Variants in CWF19L2 observed in about 807,000 individuals in gnomAD.
CWF19L2 encodes the protein CWF19 like cell cycle control factor 2.
CWF19L2 carries 98 observed loss-of-function variants against 111.7 expected under a neutral mutation model. The observed-to-expected ratio is 0.88, with a 90% confidence interval of 0.75 to 1.04. The LOEUF (loss-of-function observed/expected upper bound fraction) is 1.04. Among genes scored for constraint, CWF19L2 ranks in the 50% least tolerant of loss-of-function variants. CWF19L2 has a pLI of 0.00. For missense variants in CWF19L2, 1,101 were observed against 1,051.4 expected (o/e 1.05, Z -0.65); for synonymous variants, 351 against 342.9 (o/e 1.02, Z -0.26).
At position 107,429,123 on chromosome 11, in the gene CWF19L2, C is replaced by G. The variant is rs779343107; in HGVS notation, c.1109G>C (p.Arg370Thr). 1.2e-6 allele frequency: 2 copies of G among 1,613,672 alleles called. No individual in the cohort carries two copies. The highest frequency in any genetic ancestry group is 2.2e-5 in the South Asian group (2 of 91,078). The change falls in exon 8 of 18, where the codon AGA becomes ACA. Residue 370 changes from arginine (R) to threonine (T), a missense_variant. Transcript: ENST00000282251. ...TGACAGTTCTTCATCATCAGAGGGT[C>G]TCAAGAATTTAGCTCTCAAATTGCC... is the stretch of plus-strand genomic sequence containing the variant. ...SFGNLRAKFL[R>T]PSDDEELSFH...
intron 6 of CWF19L2, among the ~76,000 whole-genome samples, chr11:107,437,151 A>C (rs1031580095): frequency 6.9e-6 from 1 of 145,248 alleles, no homozygotes. Context: ...CAAGTATCTG[A>C]CATTACCATC....
intron 15 of CWF19L2, among the ~76,000 whole-genome samples, chr11:107,335,518 T>C (rs117782388): frequency 0.012 from 1,894 of 152,304 alleles, 24 homozygotes; most frequent in South Asian, 0.039. Context: ...TTTGATTGCA[T>C]GCAACTCAAT....
intron 10 of CWF19L2, among the ~76,000 whole-genome samples, chr11:107,393,462 A>G (rs929879674): frequency 8.5e-5 from 13 of 152,206 alleles, no homozygotes; most frequent in African/African-American, 2.2e-4. Flanking sequence ...AGTACAGAAT[A>G]AGAGTAAACT....
chr11:107,386,915 A>G (rs1860774631), intron 12 of CWF19L2, among the ~76,000 whole-genome samples: 1 of 151,944 alleles, frequency 6.6e-6, no homozygotes, highest in Non-Finnish European at 1.5e-5. Context: ...TTAGCTGGGC[A>G]TGGTGGTGCG....
chr11:107,364,405 T>C (rs1253713625), intron 12 of CWF19L2, among the ~76,000 whole-genome samples: 3 of 148,442 alleles, frequency 2.0e-5, no homozygotes, highest in African/African-American at 5.1e-5. Flanking sequence ...TATTCCAAAA[T>C]TGACCACATA....
At chr11:107,407,253 T>C (rs1861092195) in intron 10 of CWF19L2, among the ~76,000 whole-genome samples, 2 of 152,288 alleles carry the variant, frequency 1.3e-5, no homozygotes, top group Middle Eastern at 6.8e-3. Flanking sequence ...CAATCTGTTA[T>C]GCAGTCTACA....
intron 10 of CWF19L2, chr11:107,403,746 C>T (rs775092016): frequency 2.3e-5 from 20 of 884,452 alleles, no homozygotes; most frequent in Middle Eastern, 2.2e-4. Flanking sequence ...TGCTTTTTGC[C>T]GGTCTGTTCC....
intron 17 of CWF19L2, among the ~76,000 whole-genome samples, chr11:107,327,929 G>GC (rs1859786421): frequency 6.6e-6 from 1 of 152,144 alleles, no homozygotes; most frequent in Non-Finnish European, 1.5e-5. Context: ...TCTTTCAGAT[G>GC]CAGGTTCTTC....
Position 107,390,163 on chromosome 11 carries a change from C to T in CWF19L2, c.1783G>A (p.Asp595Asn), listed in dbSNP as rs1860827031. The change falls in exon 12 of 18, where the codon GAT becomes AAT. Residue 595 changes from aspartate to asparagine, a missense_variant. By Grantham distance (23) the Asp-to-Asn change is conservative (BLOSUM62 1). Transcript: ENST00000282251. ...ACTAAATCATTTAGGCTTAGATTAT[C>T]ATCATCATGAAAGTATCTGACCCTT... is the stretch of plus-strand genomic sequence containing the variant. ...RERVRYFHDD[D>N]NLSLNDLVKN... The T allele has an allele frequency of 6.2e-7, 1 of 1,611,084 alleles. No homozygotes were observed. The highest frequency in any genetic ancestry group is 1.7e-5 in the Admixed American group (1 of 59,906).
chr11:107,356,427 T>G (rs1481749524), intron 12 of CWF19L2, among the ~76,000 whole-genome samples: 1 of 152,188 alleles, frequency 6.6e-6, no homozygotes, highest in East Asian at 1.9e-4. Flanking sequence ...AAGGCATTTC[T>G]TAGAGCACAC....
At chr11:107,403,836 T>C in intron 10 of CWF19L2, 1 of 812,734 alleles carries the variant, frequency 1.2e-6, no homozygotes, top group Non-Finnish European at 2.2e-6. Context: ...AGTTCATTGT[T>C]AAGTGAATCT....
At chr11:107,433,473 A>G (rs1319730699) in intron 7 of CWF19L2, among the ~76,000 whole-genome samples, 161 bp downstream of exon 7, 13 of 152,192 alleles carry the variant, frequency 8.5e-5, no homozygotes, top group Non-Finnish European at 1.3e-4. Flanking sequence ...CAATAAAAAT[A>G]TGATACATGT....
At chr11:107,406,036 A>G (rs149557276) in intron 10 of CWF19L2, among the ~76,000 whole-genome samples, 114 of 152,286 alleles carry the variant, frequency 7.5e-4, no homozygotes, top group African/African-American at 2.6e-3. Context: ...GGATTGGAAG[A>G]AAGTCTGGAA....
chr11:107,357,740 G>C (rs905438198), intron 12 of CWF19L2, among the ~76,000 whole-genome samples: 4 of 152,076 alleles, frequency 2.6e-5, no homozygotes, highest in Non-Finnish European at 5.9e-5. Context: ...TTTAGGCTTT[G>C]ATACAAATAT....
At chr11:107,386,961 G>A (rs1443481117) in intron 12 of CWF19L2, among the ~76,000 whole-genome samples, 1 of 151,906 alleles carries the variant, frequency 6.6e-6, no homozygotes, top group East Asian at 1.9e-4. Flanking sequence ...GGCTTAGGCA[G>A]GAGAATCGCT....
chr11:107,355,085 T>C (rs563379175), intron 12 of CWF19L2, among the ~76,000 whole-genome samples: 1 of 152,224 alleles, frequency 6.6e-6, no homozygotes, highest in African/African-American at 2.4e-5. Context: ...GTAATGTAAA[T>C]TACTTAGTGT....
chr11:107,372,101 A>G (rs1176215295), intron 12 of CWF19L2, among the ~76,000 whole-genome samples: 1 of 135,456 alleles, frequency 7.4e-6, no homozygotes, highest in Non-Finnish European at 1.6e-5. Flanking sequence ...CAGAAAACAA[A>G]TATTTATTGA....
chr11:107,345,021 C>T (rs1022434687), intron 14 of CWF19L2, among the ~76,000 whole-genome samples: 1 of 152,136 alleles, frequency 6.6e-6, no homozygotes, highest in Non-Finnish European at 1.5e-5. Flanking sequence ...ACTATCCTGA[C>T]TGGAAGGAGG....
chr11:107,352,211 G>T (rs980733940), intron 13 of CWF19L2, among the ~76,000 whole-genome samples: 7 of 152,190 alleles, frequency 4.6e-5, no homozygotes, highest in South Asian at 2.1e-4. Context: ...TGTAGCACAA[G>T]ACATACTTCT....
Sources: allele counts gnomAD v4.1 joint callset (sites outside exome capture counted in the v4.1 genomes callset), GRCh38; gene constraint gnomAD v4.1.1; transcripts MANE v1.5; gene names NCBI Gene and HGNC (gene_info 2026-07-23, HGNC 2026-07-21).